Variants in MIOS observed in about 807,000 individuals in gnomAD.
The protein encoded by MIOS is GATOR2 complex protein MIOS.
In MIOS, 52 loss-of-function variants were observed where a neutral mutation model predicts 96.9. The observed-to-expected ratio is 0.54, with a 90% confidence interval of 0.43 to 0.68. The LOEUF is 0.68. Ranked by LOEUF, MIOS falls within the 30% of genes least tolerant of loss-of-function variation. The pLI is 0.00. For missense variants in MIOS, 1,005 were observed against 1,052.8 expected (o/e 0.95, Z 0.63); for synonymous variants, 397 against 359.5 (o/e 1.10, Z -1.18).
At chr7:7,571,591 G>T (rs2115343337) in intron 3 of MIOS, among the ~76,000 whole-genome samples, 1 of 152,314 alleles carries the variant, frequency 6.6e-6, no homozygotes, top group South Asian at 2.1e-4. Context: ...TCAGTTTAAA[G>T]AAAAATATTA....
chr7:7,600,472 G>A (rs1784343292), intron 11 of MIOS, among the ~76,000 whole-genome samples: 1 of 152,116 alleles, frequency 6.6e-6, no homozygotes, highest in South Asian at 2.1e-4. Context: ...AAGAGACAAG[G>A]CCATTACATA....
Position 7,597,516 on chromosome 7 carries a change from AT to A in MIOS, c.2401+1056del, listed in dbSNP as rs1483192984. 1.6e-4 allele frequency among the ~76,000 whole-genome samples: 12 copies of A among 77,286 alleles called. 3 individuals carry two copies. The highest frequency in any genetic ancestry group is 8.1e-4 in the South Asian group (2 of 2,470). 50.7% of individuals were successfully genotyped at this position (77,286 alleles called of 152,430 possible). On this transcript the variant is annotated intron_variant, in intron 11 of 12. Transcript: ENST00000340080. Reference sequence around the variant, plus strand: ...TATATATATATATATATATATATATATGAAGGCAATACGTAATGTTTTAAAT... The same window carrying A: ...TATATATATATATATATATATATATAGAAGGCAATACGTAATGTTTTAAAT...
rs375419731 is a variant in MIOS, at chr7:7,603,758, C to G, written c.2402-2184C>G. On this transcript the variant is annotated intron_variant, in intron 11 of 12. Coordinates refer to ENST00000340080, the MANE Select transcript of MIOS (RefSeq NM_019005.4). ...AATCATGCTGCTATAAAGACACATG[C>G]ACACGTATGTTTATTGCAGCACTAT... Among the ~76,000 whole-genome samples the G allele has an allele frequency of 1.1e-4, 16 of 152,230 alleles. No homozygotes were observed. The East Asian group carries it at 2.3e-3, about 22-fold the overall frequency.
At chr7:7,582,865 A>T in intron 5 of MIOS, 1 of 383,492 alleles carries the variant, frequency 2.6e-6, no homozygotes, top group Non-Finnish European at 4.4e-6. Context: ...TTAGGTGGCC[A>T]GGCAGTAACT....
intron 5 of MIOS, among the ~76,000 whole-genome samples, chr7:7,581,259 T>C (rs867474938): frequency 1.3e-5 from 2 of 151,660 alleles, no homozygotes; most frequent in South Asian, 2.1e-4. Flanking sequence ...TGAGATCGTG[T>C]GCCATTGCAC....
chr7:7,598,989 A>G (rs1784294260), intron 11 of MIOS, among the ~76,000 whole-genome samples: 2 of 152,156 alleles, frequency 1.3e-5, no homozygotes, highest in Non-Finnish European at 2.9e-5. Flanking sequence ...ATACATTAAT[A>G]TAATGCTGAT....
chr7:7,577,588 G>C (rs535965679), intron 5 of MIOS, among the ~76,000 whole-genome samples: 69 of 152,262 alleles, frequency 4.5e-4, no homozygotes, highest in African/African-American at 1.6e-3. Context: ...GCAGAGAGAA[G>C]GGAGTGAAGC....
At chr7:7,593,348 T>C (rs1251730641) in intron 9 of MIOS, among the ~76,000 whole-genome samples, 3 of 152,226 alleles carry the variant, frequency 2.0e-5, no homozygotes, top group Non-Finnish European at 4.4e-5. Context: ...ATGAAAGATA[T>C]GTTGCTTCAG....
Position 7,572,609 on chromosome 7 carries a change from T to G in MIOS, c.134T>G (p.Leu45Ter). ...GAACTCAAAGCTGGATCTTTACGTT[T>G]ATCTGAAGACTCTGCAGCTACATTA... Reference protein sequence around the residue: ...NSELKAGSLRLSEDSAATLLS... With the variant: ...NSELKAGSLR Residue 45 changes from leucine to a stop codon, truncating the protein, a stop_gained, in exon 4 of 13, where the codon TTA becomes TGA. Coordinates refer to ENST00000340080, the MANE Select transcript of MIOS (RefSeq NM_019005.4). LOFTEE classifies it high-confidence loss of function. The surrounding 1 kb of genome is among the most constrained non-coding windows in gnomAD (Gnocchi z 4.8). The G allele has an allele frequency of 1.2e-6, 2 of 1,614,156 alleles. No individual in the cohort carries two copies. The highest frequency in any genetic ancestry group is 1.7e-6 in the Non-Finnish European group (2 of 1,180,002).
At chr7:7,583,657 A>G (rs1322250536) in intron 6 of MIOS, among the ~76,000 whole-genome samples, 1 of 152,018 alleles carries the variant, frequency 6.6e-6, no homozygotes, top group Non-Finnish European at 1.5e-5. Context: ...TCTCTTAAAG[A>G]TAGTTCACAT....
intron 7 of MIOS, 52 bp downstream of exon 7, chr7:7,585,857 T>C (rs1783871499): frequency 7.1e-7 from 1 of 1,403,676 alleles, no homozygotes; most frequent in Non-Finnish European, 9.6e-7. Flanking sequence ...TAGGAGTTTT[T>C]ATCTAACTTT....
chr7:7,601,334 TAAA>T (rs1170746464), intron 11 of MIOS, among the ~76,000 whole-genome samples: 23 of 144,332 alleles, frequency 1.6e-4, no homozygotes, highest in Non-Finnish European at 2.5e-4. Flanking sequence ...GCAAGACTAA[TAAA>T]GAAGAAAAGA....
intron 9 of MIOS, among the ~76,000 whole-genome samples, chr7:7,592,748 C>T (rs942868883): frequency 2.6e-5 from 4 of 152,142 alleles, no homozygotes; most frequent in Admixed American, 1.3e-4. Flanking sequence ...CACCACTGAT[C>T]TGACAGGAGG....
chr7:7,603,335 C>G (rs1161637118), intron 11 of MIOS, among the ~76,000 whole-genome samples: 1 of 151,924 alleles, frequency 6.6e-6, no homozygotes, highest in Non-Finnish European at 1.5e-5. Flanking sequence ...GGGCTAATAT[C>G]CAGAAGCTAC....
chr7:7,604,890 A>G (rs935146105), intron 11 of MIOS, among the ~76,000 whole-genome samples: 2 of 151,676 alleles, frequency 1.3e-5, no homozygotes, highest in African/African-American at 4.9e-5. Context: ...TACATATCAG[A>G]TCTATATTTT....
intron 5 of MIOS, 23 bp downstream of exon 5, chr7:7,574,219 T>A: frequency 6.5e-7 from 1 of 1,532,396 alleles, no homozygotes; most frequent in Non-Finnish European, 9.0e-7. Flanking sequence ...TATTTCATTT[T>A]CTCCAATATG....
At chr7:7,605,789 C>T (rs530372523) in intron 11 of MIOS, 153 bp from the exon 12 acceptor site, 9 of 626,004 alleles carry the variant, frequency 1.4e-5, no homozygotes, top group Admixed American at 1.1e-4. Flanking sequence ...CATTCAGTTT[C>T]GCTTCATCTA....
rs759916180 is a variant in MIOS at position 7,583,262 on chromosome 7, A to C, written c.1538A>C (p.Asn513Thr). ...GTDVDVGPFL[N>T]SLVQEGEWER... ...GATGTAGACGTGGGGCCATTTTTGA[A>C]CTCCCTTGTACAAGAAGGGGAATGG... The change falls in exon 6 of 13, where the codon AAC becomes ACC. Residue 513 changes from asparagine (N) to threonine (T), a missense_variant. Physicochemically the swap from Asn to Thr is moderately conservative, Grantham distance 65. Transcript: ENST00000340080. The C allele has an allele frequency of 5.6e-6, 9 of 1,613,928 alleles. No individual in the cohort carries two copies. Among genetic ancestry groups the C allele is most frequent in the Admixed American group, 1.7e-5 (1 of 59,982 alleles).
intron 11 of MIOS, among the ~76,000 whole-genome samples, chr7:7,598,518 TTTATG>T (rs569878154): frequency 1.1e-3 from 171 of 150,298 alleles, no homozygotes; most frequent in Non-Finnish European, 1.8e-3. Flanking sequence ...TGATCACTGT[TTTATG>T]TTAACTCTGG....
Sources: allele counts gnomAD v4.1 joint callset (sites outside exome capture counted in the v4.1 genomes callset), GRCh38; gene constraint gnomAD v4.1.1; non-coding constraint Gnocchi (gnomAD v3.1); transcripts MANE v1.5; gene names NCBI Gene and HGNC (gene_info 2026-07-23, HGNC 2026-07-21).